The following CDH8 variants were observed in gnomAD, a reference collection of about 807,000 sequenced individuals.
CDH8 encodes cadherin 8.
In CDH8, 17 loss-of-function variants were observed where a neutral mutation model predicts 68.1. The observed-to-expected ratio is 0.25, with a 90% CI of 0.17 to 0.37. CDH8 has a LOEUF of 0.37. CDH8 is among the 10% of genes least tolerant of loss of function. The pLI is 1.00. For missense variants in CDH8, 763 were observed against 999.3 expected (o/e 0.76, Z 3.19); for synonymous variants, 372 against 365.1 (o/e 1.02, Z -0.21).
At chr16:61,686,329 C>A in intron 10 of CDH8, among the ~76,000 whole-genome samples, 1 of 152,020 alleles carries the variant, frequency 6.6e-6, no homozygotes, top group East Asian at 1.9e-4. Context: ...GTCACCTACG[C>A]TATACAGGGC....
intron 2 of CDH8, among the ~76,000 whole-genome samples, chr16:62,014,119 G>A (rs1011757167): frequency 1.3e-5 from 2 of 152,134 alleles, no homozygotes; most frequent in Non-Finnish European, 2.9e-5. Flanking sequence ...AGACGATTTG[G>A]GAGTTTGCTC....
intron 10 of CDH8, among the ~76,000 whole-genome samples, chr16:61,698,247 C>T (rs562603262): frequency 1.2e-3 from 178 of 152,292 alleles, no homozygotes; most frequent in Non-Finnish European, 2.1e-3. Flanking sequence ...TAAATTATCC[C>T]TGGATGTATC....
At chr16:61,991,169 G>A (rs1708145426) in intron 2 of CDH8, among the ~76,000 whole-genome samples, 1 of 152,102 alleles carries the variant, frequency 6.6e-6, no homozygotes, top group South Asian at 2.1e-4. Flanking sequence ...TGGCACGTTT[G>A]GGAATCCAAT....
At chr16:62,020,498 GCA>G (rs3072068) in intron 2 of CDH8, among the ~76,000 whole-genome samples, 2,040 of 149,704 alleles carry the variant, frequency 0.014, 23 homozygotes, top group African/African-American at 0.028. Context: ...ACGCGCGCGC[GCA>G]CACACACACA....
At chr16:61,677,211 C>T (rs1039353187) in intron 10 of CDH8, among the ~76,000 whole-genome samples, 6 of 150,414 alleles carry the variant, frequency 4.0e-5, no homozygotes, top group African/African-American at 1.5e-4. Flanking sequence ...ATCTCTTCAT[C>T]GTCTTTCCCA....
chr16:61,900,492 T>C (rs1048588973), intron 3 of CDH8, among the ~76,000 whole-genome samples: 2 of 152,164 alleles, frequency 1.3e-5, no homozygotes, highest in Non-Finnish European at 1.5e-5. Context: ...TTTCTTATCA[T>C]CATGGCAGGG....
At chr16:61,895,638 C>T (rs2143224365) in intron 3 of CDH8, among the ~76,000 whole-genome samples, 1 of 152,280 alleles carries the variant, frequency 6.6e-6, no homozygotes, top group South Asian at 2.1e-4. Flanking sequence ...TTTCTCATCC[C>T]TTTATTTCAG....
chr16:61,801,713 C>T (rs1422114154), intron 7 of CDH8, among the ~76,000 whole-genome samples: 19 of 152,140 alleles, frequency 1.2e-4, no homozygotes, highest in Admixed American at 1.0e-3. Flanking sequence ...ACGGACGCAC[C>T]TGGAAAATCG....
chr16:61,654,873 C>G (rs1293895681), intron 11 of CDH8, among the ~76,000 whole-genome samples: 4 of 152,026 alleles, frequency 2.6e-5, no homozygotes, highest in Non-Finnish European at 5.9e-5. Context: ...TTTCTATTTT[C>G]CTACTGTATA....
intron 10 of CDH8, among the ~76,000 whole-genome samples, chr16:61,657,122 G>A (rs1204176042): frequency 6.6e-6 from 1 of 151,572 alleles, no homozygotes; most frequent in Non-Finnish European, 1.5e-5. Flanking sequence ...ATCATTGCAT[G>A]TAATAGTAAT....
chr16:61,667,606 G>C (rs897468342), intron 10 of CDH8: 11 of 151,960 alleles, frequency 7.2e-5, no homozygotes, highest in African/African-American at 2.7e-4. Flanking sequence ...TTCTCCTCTA[G>C]AGTTTTTGAG....
chr16:61,808,149 A>G (rs1278211741), intron 7 of CDH8, among the ~76,000 whole-genome samples: 2 of 152,226 alleles, frequency 1.3e-5, no homozygotes, highest in African/African-American at 2.4e-5. Context: ...AGTTTGATGT[A>G]CAAACTACAA....
intron 8 of CDH8, among the ~76,000 whole-genome samples, chr16:61,734,777 T>C (rs1213435395): frequency 6.6e-6 from 1 of 152,150 alleles, no homozygotes; most frequent in African/African-American, 2.4e-5. Flanking sequence ...TAAAAACATA[T>C]TTCAAAAAAA....
intron 8 of CDH8, among the ~76,000 whole-genome samples, chr16:61,739,096 A>G (rs1959788349): frequency 6.6e-6 from 1 of 152,102 alleles, no homozygotes; most frequent in African/African-American, 2.4e-5. Context: ...TACTCTGCCA[A>G]CTGAGTTGCA....
At chr16:61,695,658 A>T (rs1281945451) in intron 10 of CDH8, among the ~76,000 whole-genome samples, 1 of 152,174 alleles carries the variant, frequency 6.6e-6, no homozygotes, top group Non-Finnish European at 1.5e-5. Context: ...AATCACTCCC[A>T]GTTGAGAACC....
rs78035443 is a variant in CDH8, at chr16:62,014,513, G to A, written c.252+6639C>T. The stretch of plus-strand genomic sequence containing the variant: ...AAAGATACAATTAAGCTGTGACTGC[G>A]TAGTCCAACGCTCTTAACATGCAAA... On this transcript the variant is annotated intron_variant, in intron 2 of 11. Coordinates refer to ENST00000577390, the MANE Select transcript of CDH8 (RefSeq NM_001796.5). 5.1e-4 allele frequency among the ~76,000 whole-genome samples: 77 copies of A among 152,262 alleles called. 3 individuals carry two copies. The East Asian group carries it at 7.9e-3, about 16-fold the overall frequency.
intron 2 of CDH8, among the ~76,000 whole-genome samples, chr16:61,964,120 T>G (rs1206574754): frequency 6.6e-6 from 1 of 152,190 alleles, no homozygotes; most frequent in African/African-American, 2.4e-5. Context: ...CAACAAGACT[T>G]AAAAGGTTCC....
chr16:61,722,630 GATA>G (rs1244980534), intron 9 of CDH8, among the ~76,000 whole-genome samples: 3 of 150,752 alleles, frequency 2.0e-5, no homozygotes, highest in Non-Finnish European at 4.5e-5. Context: ...GTGTTTCCAT[GATA>G]ATATCTAGGA....
At chr16:61,659,122 G>T (rs1024191415) in intron 10 of CDH8, among the ~76,000 whole-genome samples, 77 of 152,144 alleles carry the variant, frequency 5.1e-4, no homozygotes, top group African/African-American at 1.6e-3. Context: ...TCTTATTAGA[G>T]AATTCCATTT....
Sources: allele counts gnomAD v4.1 joint callset (sites outside exome capture counted in the v4.1 genomes callset), GRCh38; gene constraint gnomAD v4.1.1; transcripts MANE v1.5; gene names NCBI Gene and HGNC (gene_info 2026-07-23, HGNC 2026-07-21).